SYNE1: variants seen among roughly 807,000 people sequenced by gnomAD.
SYNE1 encodes the protein nesprin-1.
Under a neutral mutation model 1,111.0 loss-of-function variants are expected in SYNE1, and 616 were observed. The ratio of observed to expected loss-of-function variants is 0.55; its 90% CI spans 0.52 to 0.59. The LOEUF (loss-of-function observed/expected upper bound fraction) is 0.59, where lower values mean the gene tolerates loss of function less well. Ranked by LOEUF, SYNE1 falls within the 20% of genes least tolerant of loss-of-function variation. The pLI is 0.00. For missense variants in SYNE1, 10,006 were observed against 10,417.0 expected (o/e 0.96, Z 1.72); for synonymous variants, 3,855 against 3,825.8 (o/e 1.01, Z -0.28).
At chr6:152,515,230 AAAAG>A (rs2099105826) in intron 6 of SYNE1, among the ~76,000 whole-genome samples, 1 of 151,904 alleles carries the variant, frequency 6.6e-6, no homozygotes, top group African/African-American at 2.4e-5. Context: ...TCAAAAAAAA[AAAAG>A]AAAAGAAAAG....
chr6:152,292,126 A>C (rs952719677), intron 95 of SYNE1, among the ~76,000 whole-genome samples: 1 of 152,188 alleles, frequency 6.6e-6, no homozygotes, highest in Non-Finnish European at 1.5e-5. Flanking sequence ...GCCGCTGGCA[A>C]CAGAAAACTG....
chr6:152,384,898 A>G (rs1340300979), intron 55 of SYNE1, among the ~76,000 whole-genome samples: 1 of 151,048 alleles, frequency 6.6e-6, no homozygotes, highest in South Asian at 2.1e-4. Context: ...AAAAAAATAG[A>G]TCTGCAAAAT....
chr6:152,239,455 A>G (rs2085026630), intron 108 of SYNE1, 78 bp downstream of exon 108: 1 of 1,574,232 alleles, frequency 6.4e-7, no homozygotes, highest in East Asian at 2.2e-5. Context: ...AACTGCATGG[A>G]TAGATACATC....
intron 8 of SYNE1, among the ~76,000 whole-genome samples, chr6:152,507,742 A>G (rs1012132347): frequency 6.6e-6 from 1 of 152,212 alleles, no homozygotes; most frequent in Non-Finnish European, 1.5e-5. Flanking sequence ...GTCAGAAAAT[A>G]TAATTGTTCT....
intron 119 of SYNE1, among the ~76,000 whole-genome samples, chr6:152,220,364 T>A (rs774446555): frequency 8.5e-5 from 13 of 152,118 alleles, no homozygotes; most frequent in Non-Finnish European, 1.5e-4. Flanking sequence ...AAGAGAATTA[T>A]TAAAAAGCCA....
intron 127 of SYNE1, among the ~76,000 whole-genome samples, chr6:152,199,129 ATGAT>A (rs1261219391): frequency 6.6e-6 from 1 of 152,168 alleles, no homozygotes; most frequent in East Asian, 1.9e-4. Context: ...CTGATAAAGT[ATGAT>A]TGCCTGCAGA....
rs534980659 is a variant in SYNE1, at chr6:152,416,794, G to A, written c.5643C>T (p.Ser1881=). Residue 1881 remains serine (S), a synonymous_variant, in exon 41 of 146, where the codon TCC becomes TCT. Transcript: ENST00000367255. ...TTTGCCTCAGCTGGCGGAGAATGCCGGACAGAGAGGCATGGCTCTGGAGGA... is the reference window on the plus strand; with the variant it reads ...TTTGCCTCAGCTGGCGGAGAATGCCAGACAGAGAGGCATGGCTCTGGAGGA... ...AEFLQSHASL[S]GILRQLRQTV... is the part of the protein sequence containing the mutation. The A allele has an allele frequency of 2.6e-5, 42 of 1,614,174 alleles. No homozygotes were observed. The South Asian group carries it at 4.3e-4, about 16-fold the overall frequency.
chr6:152,212,875 C>T (rs998092747), intron 123 of SYNE1, among the ~76,000 whole-genome samples: 1 of 152,054 alleles, frequency 6.6e-6, no homozygotes, highest in Non-Finnish European at 1.5e-5. Context: ...CATCATCTGT[C>T]AATTCAACAA....
At chr6:152,358,263 G>A (rs2096872909) in intron 66 of SYNE1, 110 bp downstream of exon 66, 2 of 1,420,566 alleles carry the variant, frequency 1.4e-6, no homozygotes, top group Admixed American at 1.7e-5. Context: ...CACTTAATGT[G>A]TATCAACTAG....
At chr6:152,630,071 G>T (rs913182767) in intron 2 of SYNE1, among the ~76,000 whole-genome samples, 6 of 151,812 alleles carry the variant, frequency 4.0e-5, no homozygotes, top group Non-Finnish European at 8.8e-5. Flanking sequence ...ATTATATATT[G>T]GTATCTGGTC....
chr6:152,236,819 G>A lies in SYNE1; in HGVS notation c.20197C>T (p.Gln6733Ter). 1 of 1,614,110 alleles carries A rather than the reference G, an allele frequency of 6.2e-7. No individual in the cohort carries two copies. The highest frequency in any genetic ancestry group is 8.5e-7 in the Non-Finnish European group (1 of 1,180,010). Residue 6733 changes from glutamine (Q) to a stop codon, truncating the protein, a stop_gained and splice_region_variant, in exon 109 of 146, where the codon CAG (glutamine) becomes TAG (stop). Transcript: ENST00000367255. LOFTEE classifies it high-confidence loss of function. ...ATGTGGCGGCTTGTAACACCAACCT[G>A]GTAGAGTGTTATGCGGTCAATAAGC... Reference protein sequence around the residue: ...DRLIDRITLYQHLKSSLNEYQ... With the variant: ...DRLIDRITLY
At chr6:152,181,082 C>A (rs1351499041) in intron 128 of SYNE1, among the ~76,000 whole-genome samples, 153 of 124,480 alleles carry the variant, frequency 1.2e-3, no homozygotes, top group Non-Finnish European at 1.1e-3. Context: ...TTTATCATTC[C>A]AAAAAAAAAA....
intron 3 of SYNE1, 98 bp from the exon 4 acceptor site, chr6:152,540,119 A>G: frequency 8.1e-7 from 1 of 1,239,448 alleles, no homozygotes; most frequent in South Asian, 1.2e-5. Context: ...GGAATCGTGA[A>G]ATCGTTTTCT....
chr6:152,278,137 G>A lies in SYNE1; in HGVS notation c.18525C>T (p.Ser6175=). ...GCAGGGCTCTCTGCAGCTCCAGCAGGCTCCCCTTGAGCCTTCTCAGCTTTC... is the reference window on the plus strand; with the variant it reads ...GCAGGGCTCTCTGCAGCTCCAGCAGACTCCCCTTGAGCCTTCTCAGCTTTC... ...LAGKLRRLKG[S]LLELQRALHD... is the part of the protein sequence containing the mutation. Residue 6175 remains serine (S), a synonymous_variant, in exon 98 of 146, where the codon AGC becomes AGT. Transcript: ENST00000367255. 1 of 1,614,044 alleles carries A rather than the reference G, an allele frequency of 6.2e-7. No homozygotes were observed. Among genetic ancestry groups the A allele is most frequent in the South Asian group, 1.1e-5 (1 of 91,080 alleles).
intron 129 of SYNE1, chr6:152,179,540 T>G (rs997583337): frequency 2.0e-5 from 3 of 151,240 alleles, no homozygotes; most frequent in African/African-American, 7.3e-5. Flanking sequence ...GGGTTCCTAC[T>G]GAACAGGTAA....
chr6:152,277,434 G>A (rs1369720053), intron 98 of SYNE1: 1 of 151,872 alleles, frequency 6.6e-6, no homozygotes, highest in Non-Finnish European at 1.5e-5. Flanking sequence ...TCCACCACAA[G>A]GCCCAGCTAA....
intron 120 of SYNE1, 86 bp from the exon 121 acceptor site, chr6:152,218,489 T>A: frequency 2.1e-6 from 3 of 1,422,944 alleles, no homozygotes; most frequent in Non-Finnish European, 2.9e-6. Flanking sequence ...GGCAAGTGGA[T>A]ATTAAAATTA....
chr6:152,429,077 A>G lies in SYNE1; in HGVS notation c.4789-685T>C, dbSNP rs1041691278. Reference sequence around the variant, plus strand: ...ATTATGGCTGAAGAAGCTACTGTCTATCTCAATAGTAATAATAATAATAAT... The same window carrying G: ...ATTATGGCTGAAGAAGCTACTGTCTGTCTCAATAGTAATAATAATAATAAT... On this transcript the variant is annotated intron_variant, in intron 36 of 145. Transcript: ENST00000367255. Among the ~76,000 whole-genome samples, 3 of 135,450 alleles carry G rather than the reference A, an allele frequency of 2.2e-5. No individual in the cohort carries two copies. In the Admixed American group the frequency reaches 2.3e-4, roughly 11 times the overall value. 88.9% of individuals were successfully genotyped at this position (135,450 alleles called of 152,430 possible).
At chr6:152,428,117 G>T in intron 37 of SYNE1, 88 bp downstream of exon 37, 1 of 1,544,826 alleles carries the variant, frequency 6.5e-7, no homozygotes, top group African/African-American at 1.4e-5. Flanking sequence ...TTTTGCATCT[G>T]GGATAACTAC....
Sources: gnomAD v4.1 joint callset for allele counts (sites outside exome capture counted in the v4.1 genomes callset) on GRCh38, gnomAD v4.1.1 for gene constraint, MANE v1.5 for transcripts, NCBI Gene and HGNC (gene_info 2026-07-23, HGNC 2026-07-21) for gene names.